Variants in MACF1 observed in about 807,000 individuals in gnomAD.
MACF1 encodes microtubule-actin cross-linking factor 1.
A neutral mutation model predicts 854.8 loss-of-function variants in MACF1; 193 were observed. That is an observed-to-expected ratio of 0.23 (90% CI 0.20 to 0.25). MACF1 has a LOEUF of 0.25. Among genes scored for constraint, MACF1 ranks in the 10% least tolerant of loss-of-function variants. The pLI is 1.00. For synonymous variants in MACF1, 3,185 were observed against 3,226.7 expected, an observed-to-expected ratio of 0.99 and a Z score of 0.44; for missense variants, 7,722 against 8,929.1, an observed-to-expected ratio of 0.86 and a Z score of 5.45.
At chr1:39,393,846 GGAGAGA>G (rs10652572) in intron 58 of MACF1, among the ~76,000 whole-genome samples, 31 of 140,820 alleles carry the variant, frequency 2.2e-4, no homozygotes, top group African/African-American at 5.1e-4. Context: ...AGGGAGGGAG[GGAGAGA>G]GAGAGAGAGA....
intron 97 of MACF1, 96 bp from the exon 98 acceptor site, chr1:39,479,700 TTA>T (rs1644979827): frequency 1.0e-6 from 1 of 984,068 alleles, no homozygotes; most frequent in South Asian, 1.5e-5. Flanking sequence ...CCCATATAAC[TTA>T]TATAACTGTT....
At chr1:39,303,735 G>T (rs1207835010) in intron 23 of MACF1, among the ~76,000 whole-genome samples, 2 of 151,366 alleles carry the variant, frequency 1.3e-5, no homozygotes, top group African/African-American at 2.4e-5. Flanking sequence ...GTGATGGCAG[G>T]CCCCTGTAAT....
rs749900522 is a variant in MACF1 at position 39,441,976 on chromosome 1, A to T, written c.18697A>T (p.Thr6233Ser). 1 of 1,613,940 alleles carries T rather than the reference A, an allele frequency of 6.2e-7. No individual in the cohort carries two copies. The highest frequency in any genetic ancestry group is 1.3e-5 in the African/African-American group (1 of 74,932). Reference sequence around the variant, plus strand: ...GGCTATGTTTGACTGGCTAGATAACACTGTGATTAAACTCTGCACCATGCC... The same window carrying T: ...GGCTATGTTTGACTGGCTAGATAACTCTGTGATTAAACTCTGCACCATGCC... ...LQAMFDWLDN[T>S]VIKLCTMPPV... Residue 6233 changes from threonine (T) to serine (S), a missense_variant, in exon 75 of 101, where the codon ACT (threonine) becomes TCT (serine). By Grantham distance (58) the Thr-to-Ser change is moderately conservative. Transcript: ENST00000564288.
intron 71 of MACF1, among the ~76,000 whole-genome samples, chr1:39,438,633 C>A (rs1366364081): frequency 6.6e-6 from 1 of 150,976 alleles, no homozygotes; most frequent in Non-Finnish European, 1.5e-5. Context: ...CAAGAATTAG[C>A]TGGGTGTGGT....
intron 1 of MACF1, among the ~76,000 whole-genome samples, chr1:39,217,712 C>T (rs1416421325): frequency 6.0e-5 from 9 of 150,784 alleles, no homozygotes; most frequent in Admixed American, 5.3e-4. Context: ...AACCCCATCT[C>T]TACCAAAAAT....
At chr1:39,313,027 C>T (rs1473990925) in intron 26 of MACF1, among the ~76,000 whole-genome samples, 1 of 152,188 alleles carries the variant, frequency 6.6e-6, no homozygotes, top group Non-Finnish European at 1.5e-5. Flanking sequence ...ATTTCTTTAA[C>T]TTGAAATAGT....
At chr1:39,279,320 C>G (rs1396274306) in intron 6 of MACF1, among the ~76,000 whole-genome samples, 1 of 152,082 alleles carries the variant, frequency 6.6e-6, no homozygotes, top group African/African-American at 2.4e-5. Context: ...TTCTCACGGT[C>G]TTTCTTCAGA....
intron 95 of MACF1, 104 bp downstream of exon 95, chr1:39,465,216 T>A: frequency 8.4e-7 from 1 of 1,188,110 alleles, no homozygotes. Flanking sequence ...GAAGCATGCC[T>A]GGGTCGCACC....
intron 70 of MACF1, among the ~76,000 whole-genome samples, chr1:39,437,300 GTTTTTTTCTTTTTCTTT>G (rs1644001027): frequency 6.9e-6 from 1 of 145,150 alleles, no homozygotes; most frequent in Admixed American, 6.8e-5. Flanking sequence ...TTTTGTTGTT[GTTTTTTTCTTTTTCTTT>G]TTTTTTTCTT....
intron 6 of MACF1, among the ~76,000 whole-genome samples, chr1:39,280,625 TA>T: frequency 6.6e-6 from 1 of 152,180 alleles, no homozygotes; most frequent in Non-Finnish European, 1.5e-5. Flanking sequence ...TCGCCCAGGC[TA>T]GGGTGCAGTG....
At chr1:39,144,209 T>C (rs1643412807) in intron 2 of MACF1, among the ~76,000 whole-genome samples, 1 of 151,538 alleles carries the variant, frequency 6.6e-6, no homozygotes. Flanking sequence ...GCCTCCCAAG[T>C]AGTTGGGATT....
Position 39,315,672 on chromosome 1 carries a change from T to C in MACF1, c.3430T>C (p.Ser1144Pro). 6.2e-7 allele frequency: 1 copy of C among 1,614,076 alleles called. No individual in the cohort carries two copies. Among genetic ancestry groups the C allele is most frequent in the Non-Finnish European group, 8.5e-7 (1 of 1,179,976 alleles). The change falls in exon 27 of 101, where the codon TCT (serine) becomes CCT (proline). Residue 1144 changes from serine (S) to proline (P), a missense_variant. Physicochemically the swap from Ser to Pro is moderately conservative, Grantham distance 74 (BLOSUM62 -1). This residue lies in a region of MACF1 where 1,137 missense variants were observed against 1,263.0 expected (regional missense o/e 0.90). Transcript: ENST00000564288. ...VEKMDHVYGL[S>P]TVYLNKLKTV... is the part of the protein sequence containing the mutation. ...GAAGATGGACCATGTCTATGGTCTC[T>C]CTACTGTATATCTGAATAAGTGAGT... is the stretch of plus-strand genomic sequence containing the variant.
chr1:39,477,084 T>TACATACATACACACAC, intron 97 of MACF1, among the ~76,000 whole-genome samples: 1 of 12,796 alleles, frequency 7.8e-5, no homozygotes, highest in African/African-American at 2.8e-4. Flanking sequence ...TATATATATA[T>TACATACATACACACAC]ATATATACAC....
chr1:39,460,104 C>T lies in MACF1; in HGVS notation c.21361-528C>T, dbSNP rs1644524523. On this transcript the variant is annotated intron_variant, in intron 91 of 100. Transcript: ENST00000564288. This position sits in a 1 kb window ranked among gnomAD's most constrained non-coding sequence, Gnocchi z 4.1. ...AGATGGGCAATTTGCTCTCTGGTGCCATTCCAAAGAAACATGCTTGGATAC... is the reference window on the plus strand; with the variant it reads ...AGATGGGCAATTTGCTCTCTGGTGCTATTCCAAAGAAACATGCTTGGATAC... Among the ~76,000 whole-genome samples, 1 of 152,198 alleles carries T rather than the reference C, an allele frequency of 6.6e-6. No homozygotes were observed. Among genetic ancestry groups the T allele is most frequent in the Non-Finnish European group, 1.5e-5 (1 of 68,036 alleles).
intron 2 of MACF1, among the ~76,000 whole-genome samples, chr1:39,176,396 C>T (rs763399315): frequency 1.4e-4 from 21 of 152,064 alleles, no homozygotes; most frequent in Non-Finnish European, 2.4e-4. Context: ...TAGTCATTTT[C>T]GTTATTCAAA....
At chr1:39,331,057 A>C in intron 36 of MACF1, 146 bp from the exon 37 acceptor site, 5 of 1,213,140 alleles carry the variant, frequency 4.1e-6, no homozygotes, top group Non-Finnish European at 5.5e-6. Context: ...CCTTGGGCAG[A>C]TTATAGGCGT....
chr1:39,225,310 G>A (rs1219982974), intron 1 of MACF1, among the ~76,000 whole-genome samples: 25 of 143,160 alleles, frequency 1.7e-4, no homozygotes, highest in African/African-American at 2.9e-4. Context: ...TCCGCTTCCC[G>A]GGTTCACGCC....
intron 89 of MACF1, 81 bp from the exon 90 acceptor site, chr1:39,458,288 TA>T: frequency 7.1e-7 from 1 of 1,402,204 alleles, no homozygotes; most frequent in Non-Finnish European, 9.8e-7. Context: ...GGCCGTAAAG[TA>T]CCCATCCTAG....
intron 2 of MACF1, among the ~76,000 whole-genome samples, chr1:39,163,671 T>C (rs1376874084): frequency 6.6e-6 from 1 of 152,144 alleles, no homozygotes; most frequent in Non-Finnish European, 1.5e-5. Flanking sequence ...TCTTAGAGCT[T>C]TACTTGGGAC....
Sources: gnomAD v4.1 joint callset for allele counts (sites outside exome capture counted in the v4.1 genomes callset) on GRCh38, gnomAD v4.1.1 for gene constraint, gnomAD v4.1.1 regional missense constraint, Gnocchi (gnomAD v3.1) non-coding constraint, MANE v1.5 for transcripts, NCBI Gene and HGNC (gene_info 2026-07-23, HGNC 2026-07-21) for gene names.